The following VPS13B variants were observed in gnomAD, a reference collection of about 807,000 sequenced individuals.
VPS13B encodes vacuolar protein sorting 13 homolog B, also known as intermembrane lipid transfer protein VPS13B.
Under a neutral mutation model 426.4 loss-of-function variants are expected in VPS13B, and 285 were observed. The ratio of observed to expected loss-of-function variants is 0.67; its 90% CI spans 0.61 to 0.74. The LOEUF (loss-of-function observed/expected upper bound fraction) is 0.74, where lower values mean the gene tolerates loss of function less well. Among genes scored for constraint, VPS13B ranks in the 30% least tolerant of loss-of-function variants. VPS13B has a pLI of 0.00. For missense variants in VPS13B, 4,537 were observed against 4,782.6 expected (o/e 0.95, Z 1.51); for synonymous variants, 1,676 against 1,676.4 (o/e 1.00, Z 0.01).
At chr8:99,744,457 A>G (rs1424759764) in intron 39 of VPS13B, among the ~76,000 whole-genome samples, 1 of 152,228 alleles carries the variant, frequency 6.6e-6, no homozygotes, top group African/African-American at 2.4e-5. Context: ...TGACCCAGCC[A>G]TCCCGTTACT....
intron 35 of VPS13B, among the ~76,000 whole-genome samples, chr8:99,673,588 C>G (rs181392347): frequency 6.6e-6 from 1 of 151,864 alleles, no homozygotes; most frequent in African/African-American, 2.4e-5. Context: ...TTTTTGTAGT[C>G]TCTATTTCAT....
chr8:99,481,922 C>T, intron 25 of VPS13B, 120 bp downstream of exon 25: 5 of 1,215,578 alleles, frequency 4.1e-6, no homozygotes, highest in Non-Finnish European at 5.8e-6. Flanking sequence ...TCTGAAGGTT[C>T]AAGAGGAGCT....
chr8:99,720,159 G>A (rs896241471), intron 37 of VPS13B, among the ~76,000 whole-genome samples, 186 bp from the exon 38 acceptor site: 1 of 151,778 alleles, frequency 6.6e-6, no homozygotes, highest in African/African-American at 2.4e-5. Flanking sequence ...TTTTTTTGTT[G>A]TTATATATTT....
At chr8:99,639,213 A>G (rs1409158958) in intron 33 of VPS13B, among the ~76,000 whole-genome samples, 1 of 152,204 alleles carries the variant, frequency 6.6e-6, no homozygotes, top group Non-Finnish European at 1.5e-5. Context: ...CAAAGCCTAT[A>G]TGTTGTCTTA....
In VPS13B at chr8:99,875,437, G is replaced by T; in HGVS notation, c.11765G>T (p.Arg3922Ile). 6.2e-7 allele frequency: 1 copy of T among 1,614,130 alleles called. No individual in the cohort carries two copies. Among genetic ancestry groups the T allele is most frequent in the Non-Finnish European group, 8.5e-7 (1 of 1,180,002 alleles). ...TCCTAGGTAGATGGAGTCCGAGAGA[G>T]ACTGTCAGAGCAACAGTACAACAGA... ...CDVEVDGVRERLSEQQYNRLV... is the reference protein window; with the variant it reads ...CDVEVDGVREILSEQQYNRLV... The change falls in exon 62 of 62, where the codon AGA becomes ATA. Residue 3922 changes from arginine (R) to isoleucine (I), a missense_variant. This residue lies in a region of VPS13B where 4,311 missense variants were observed against 4,474.3 expected (regional missense o/e 0.96). Coordinates refer to ENST00000357162, the MANE Select transcript of VPS13B (RefSeq NM_152564.5).
intron 45 of VPS13B, 90 bp downstream of exon 45, chr8:99,817,893 A>G: frequency 1.3e-6 from 2 of 1,589,436 alleles, no homozygotes; most frequent in Non-Finnish European, 1.7e-6. Context: ...TTAATTTATT[A>G]AAAAGTGACA....
At chr8:99,593,824 A>G (rs949346131) in intron 33 of VPS13B, among the ~76,000 whole-genome samples, 1 of 152,038 alleles carries the variant, frequency 6.6e-6, no homozygotes, top group Non-Finnish European at 1.5e-5. Flanking sequence ...ACCAAACACC[A>G]CATGTTCTCA....
chr8:99,570,918 T>A (rs1273298364), intron 31 of VPS13B, among the ~76,000 whole-genome samples: 1 of 152,156 alleles, frequency 6.6e-6, no homozygotes, highest in Non-Finnish European at 1.5e-5. Flanking sequence ...GTAATATAAG[T>A]TAGAGCCACT....
chr8:99,590,603 C>T (rs1193823831), intron 33 of VPS13B, among the ~76,000 whole-genome samples: 2 of 152,170 alleles, frequency 1.3e-5, no homozygotes, highest in African/African-American at 4.8e-5. Context: ...ACCAAGTAGT[C>T]ATTCAGGAGC....
At chr8:99,019,219 T>G (rs1452942006) in intron 2 of VPS13B, among the ~76,000 whole-genome samples, 2 of 151,494 alleles carry the variant, frequency 1.3e-5, no homozygotes, top group East Asian at 3.9e-4. Context: ...TTTTTTTTTT[T>G]TTTTGAGATA....
intron 30 of VPS13B, among the ~76,000 whole-genome samples, chr8:99,549,945 T>C (rs979399653): frequency 2.0e-5 from 3 of 152,100 alleles, no homozygotes; most frequent in Non-Finnish European, 4.4e-5. Flanking sequence ...CAAGTCTGGG[T>C]CAGGTGTCCC....
chr8:99,440,102 T>C (rs950459569), intron 22 of VPS13B, among the ~76,000 whole-genome samples: 1 of 152,166 alleles, frequency 6.6e-6, no homozygotes, highest in Non-Finnish European at 1.5e-5. Flanking sequence ...ATCCCTTCAC[T>C]TTAACACATG....
rs1477271357 is a variant in VPS13B at position 99,107,893 on chromosome 8, CT to C, written c.581-3203del. On this transcript the variant is annotated intron_variant, in intron 5 of 61. Transcript: ENST00000357162. ...AGAGGGTACATGTGCAGGTCTGTTA[CT>C]TGGGTAAATTGCATGTTGCATGCAT... Among the ~76,000 whole-genome samples, 6 of 152,260 alleles carry C rather than the reference CT, an allele frequency of 3.9e-5. No individual in the cohort carries two copies. The East Asian group carries it at 1.2e-3, about 29-fold the overall frequency.
rs182753436 is a variant in VPS13B at position 99,500,261 on chromosome 8, G to T, written c.3871-1426G>T. Among the ~76,000 whole-genome samples the T allele has an allele frequency of 6.6e-5, 10 of 152,170 alleles. No homozygotes were observed. In the East Asian group the frequency reaches 1.7e-3, roughly 26 times the overall value. On this transcript the variant is annotated intron_variant, in intron 25 of 61. Coordinates refer to ENST00000357162, the MANE Select transcript of VPS13B (RefSeq NM_152564.5). ...ACAGGAAATTAATATTTTTGTTTGA[G>T]ACATTCAAAGCAATAAACTATTGGA...
At position 99,258,099 on chromosome 8, in the gene VPS13B, ATTTTATTATT is replaced by A. The variant is rs555186707; in HGVS notation, c.2516-16086_2516-16077del. ...TGCTAAATTATCATCATTTAGTTTT[ATTTTATTATT>A]TTTTATTATTTTAACCAATAATTTA... On this transcript the variant is annotated intron_variant, in intron 17 of 61. Coordinates refer to ENST00000357162, the MANE Select transcript of VPS13B (RefSeq NM_152564.5). Among the ~76,000 whole-genome samples, 4 of 151,412 alleles carry A rather than the reference ATTTTATTATT, an allele frequency of 2.6e-5. No homozygotes were observed. The South Asian group carries it at 8.3e-4, about 31-fold the overall frequency.
chr8:99,606,498 C>CAAAAAA, intron 33 of VPS13B, among the ~76,000 whole-genome samples: 1 of 74,330 alleles, frequency 1.3e-5, no homozygotes, highest in Non-Finnish European at 2.9e-5. Context: ...GACTCAGTTT[C>CAAAAAA]AAAAAAAAAA....
intron 39 of VPS13B, among the ~76,000 whole-genome samples, chr8:99,735,488 G>A (rs1026204799): frequency 8.5e-5 from 13 of 152,086 alleles, no homozygotes; most frequent in African/African-American, 9.7e-5. Context: ...CTGGAATGTC[G>A]CAACTACAAG....
At chr8:99,752,250 C>T (rs1027103167) in intron 39 of VPS13B, among the ~76,000 whole-genome samples, 7 of 151,930 alleles carry the variant, frequency 4.6e-5, no homozygotes, top group African/African-American at 1.7e-4. Context: ...AATGCCTTTA[C>T]CTATAAGATA....
chr8:99,327,140 A>T (rs1029796591), intron 19 of VPS13B, among the ~76,000 whole-genome samples: 2 of 152,180 alleles, frequency 1.3e-5, no homozygotes, highest in African/African-American at 4.8e-5. Flanking sequence ...AATTCTATGT[A>T]CATGTAAAAT....
Sources: allele counts gnomAD v4.1 joint callset (sites outside exome capture counted in the v4.1 genomes callset), GRCh38; gene constraint gnomAD v4.1.1; regional missense constraint gnomAD v4.1.1; transcripts MANE v1.5; gene names NCBI Gene and HGNC (gene_info 2026-07-23, HGNC 2026-07-21).